SYF2: variants seen among roughly 807,000 people sequenced by gnomAD.
The protein encoded by SYF2 is pre-mRNA-splicing factor SYF2.
SYF2 carries 21 observed loss-of-function variants against 32.7 expected under a neutral mutation model. That is an observed-to-expected ratio of 0.64 (90% CI 0.45 to 0.92). The LOEUF is 0.92. SYF2 is among the 40% of genes least tolerant of loss of function. The pLI is 0.00. For missense variants in SYF2, 278 were observed against 296.5 expected, an observed-to-expected ratio of 0.94 and a Z score of 0.46; for synonymous variants, 114 against 103.9, an observed-to-expected ratio of 1.10 and a Z score of -0.59.
chr1:25,228,023 C>T (rs1342973720), intron 4 of SYF2, 95 bp downstream of exon 4: 8 of 979,202 alleles, frequency 8.2e-6, no homozygotes, highest in East Asian at 7.2e-5. Context: ...GAATATCCCA[C>T]GAAGCACAAG....
intron 2 of SYF2, 82 bp downstream of exon 2, chr1:25,232,022 G>A (rs2124514753): frequency 7.4e-7 from 1 of 1,348,132 alleles, no homozygotes; most frequent in Non-Finnish European, 1.0e-6. Context: ...CAGACGCAGT[G>A]GTGTGGCTTC....
rs545105070 is a variant in SYF2, at chr1:25,223,411, T to C, written c.587A>G (p.Tyr196Cys). 2 of 1,607,260 alleles carry C rather than the reference T, an allele frequency of 1.2e-6. No homozygotes were observed. The highest frequency in any genetic ancestry group is 1.3e-5 in the African/African-American group (1 of 74,634). The change falls in exon 7 of 7, where the codon TAT (tyrosine) becomes TGT (cysteine). Residue 196 changes from tyrosine to cysteine, a missense_variant. Physicochemically the swap from Tyr to Cys is radical, Grantham distance 194. Transcript: ENST00000236273. The part of the protein sequence containing the change: ...LEKQIEKRDK[Y>C]SRRRPYNDDA... ...ATCATTATAAGGACGTCTCCGGCTATATTTGTCTCGTTTTTCAATCCTGGG... is the reference window on the plus strand; with the variant it reads ...ATCATTATAAGGACGTCTCCGGCTACATTTGTCTCGTTTTTCAATCCTGGG...
Position 25,223,299 on chromosome 1 carries a change from A to G in SYF2, c.699T>C (p.Ile233=), listed in dbSNP as rs752794181. 9 of 1,613,564 alleles carry G rather than the reference A, an allele frequency of 5.6e-6. No individual in the cohort carries two copies. The highest frequency in any genetic ancestry group is 1.7e-5 in the Admixed American group (1 of 59,968). ...CTGTTCCTCTTTCCAAATTCTGTTTAATTTCAGCTGTGTATTTCCCATAGA... is the reference window on the plus strand; with the variant it reads ...CTGTTCCTCTTTCCAAATTCTGTTTGATTTCAGCTGTGTATTTCCCATAGA... ...ERFYGKYTAE[I]KQNLERGTAV The change falls in exon 7 of 7, where the codon ATT becomes ATC. Residue 233 remains isoleucine (I), a synonymous_variant. Transcript: ENST00000236273.
At chr1:25,227,948 C>G (rs559152954) in intron 4 of SYF2, among the ~76,000 whole-genome samples, 170 bp downstream of exon 4, 102 of 152,246 alleles carry the variant, frequency 6.7e-4, no homozygotes, top group African/African-American at 2.5e-3. Context: ...TGAAGTACAG[C>G]CTTTTTTTTT....
chr1:25,231,525 T>C (rs1638630191), intron 2 of SYF2: 1 of 155,060 alleles, frequency 6.4e-6, no homozygotes, highest in African/African-American at 2.4e-5. Context: ...ACAAACTGCA[T>C]TCCTCTCTCC....
intron 2 of SYF2, 38 bp downstream of exon 2, chr1:25,232,066 C>T: frequency 6.3e-7 from 1 of 1,596,130 alleles, no homozygotes; most frequent in African/African-American, 1.3e-5. Context: ...CAGGCTTGGC[C>T]AGATGACGGA....
rs368056126 is a variant in SYF2 at position 25,228,993 on chromosome 1, C to T, written c.258+5G>A. ...ATCACTTATGAAGATAGAATAGTTC[C>T]TAACCTTTTTCTTTTCCTCTTCCTT... On this transcript the variant is annotated splice_donor_5th_base_variant and intron_variant, in intron 3 of 6. Coordinates refer to ENST00000236273, the MANE Select transcript of SYF2 (RefSeq NM_015484.5). 21 of 1,611,204 alleles carry T rather than the reference C, an allele frequency of 1.3e-5. No homozygotes were observed. The African/African-American group carries it at 2.7e-4, about 21-fold the overall frequency.
intron 2 of SYF2, chr1:25,231,671 T>C (rs143911697): frequency 6.4e-5 from 11 of 170,872 alleles, no homozygotes; most frequent in African/African-American, 2.4e-4. Flanking sequence ...CAAAAACAGA[T>C]GATTATTTTC....
intron 6 of SYF2, among the ~76,000 whole-genome samples, 156 bp from the exon 7 acceptor site, chr1:25,223,587 G>T (rs1638449288): frequency 6.6e-6 from 1 of 152,192 alleles, no homozygotes; most frequent in African/African-American, 2.4e-5. Context: ...AGTTGAAACT[G>T]AATTAATGGC....
At position 25,227,492 on chromosome 1, in the gene SYF2, G is replaced by A. The variant is rs766823903; in HGVS notation, c.417C>T (p.Thr139=). 5 of 1,613,642 alleles carry A rather than the reference G, an allele frequency of 3.1e-6. No individual in the cohort carries two copies. Among genetic ancestry groups the A allele is most frequent in the Non-Finnish European group, 4.2e-6 (5 of 1,179,918 alleles). Reference sequence around the variant, plus strand: ...TTTCCATGTCAGGTTTGATCTGCTTGGTCAACCGATGATACTGGCGTAACT... The same window carrying A: ...TTTCCATGTCAGGTTTGATCTGCTTAGTCAACCGATGATACTGGCGTAACT... ...AAQLRQYHRL[T]KQIKPDMETY... is the part of the protein sequence containing the mutation. Residue 139 remains threonine (T), a synonymous_variant, in exon 5 of 7, where the codon ACC becomes ACT. Transcript: ENST00000236273.
rs188764492 is a variant in SYF2, at chr1:25,228,387, T to G, written c.259-152A>C. 101 of 687,442 alleles carry G rather than the reference T, an allele frequency of 1.5e-4. No individual in the cohort carries two copies. The African/African-American group carries it at 1.8e-3, about 12-fold the overall frequency. The allele number at this position is 687,442 out of a possible 1,614,324, so 42.6% of individuals were successfully genotyped here. A position where few individuals can be genotyped will look rare whatever the true frequency, so the allele number is the denominator to read the frequency against. Reference sequence around the variant, plus strand: ...ACTCACTCTGTCACGCAGGCTGGAGTGCAGTGGCGCGATCTCAGCTCACTG... The same window carrying G: ...ACTCACTCTGTCACGCAGGCTGGAGGGCAGTGGCGCGATCTCAGCTCACTG... On this transcript the variant is annotated intron_variant, in intron 3 of 6. Coordinates refer to ENST00000236273, the MANE Select transcript of SYF2 (RefSeq NM_015484.5).
In SYF2 at chr1:25,225,518, A is replaced by C. The variant is rs566403640; in HGVS notation, c.468-418T>G. On this transcript the variant is annotated intron_variant, in intron 5 of 6. Transcript: ENST00000236273. ...GCTCCAGCTTGGGCGACAAAGTAAGACTCCGTCTCAAAAAAAAAAATTTTT... is the reference window on the plus strand; with the variant it reads ...GCTCCAGCTTGGGCGACAAAGTAAGCCTCCGTCTCAAAAAAAAAAATTTTT... Among the ~76,000 whole-genome samples the C allele has an allele frequency of 4.6e-5, 7 of 150,776 alleles. No homozygotes were observed. In the South Asian group the frequency reaches 1.0e-3, roughly 23 times the overall value.
chr1:25,232,069 A>T lies in SYF2; in HGVS notation c.132+35T>A, dbSNP rs9328945. 6 of 1,599,962 alleles carry T rather than the reference A, an allele frequency of 3.8e-6. No individual in the cohort carries two copies. The African/African-American group carries it at 8.0e-5, about 21-fold the overall frequency. On this transcript the variant is annotated intron_variant, in intron 2 of 6. Transcript: ENST00000236273. Reference sequence around the variant, plus strand: ...TACAAAAGCGCACAGGCTTGGCCAGATGACGGATCTAAGCCGGCCTCCAAG... The same window carrying T: ...TACAAAAGCGCACAGGCTTGGCCAGTTGACGGATCTAAGCCGGCCTCCAAG...
chr1:25,223,548 GGAA>G, intron 6 of SYF2, 117 bp from the exon 7 acceptor site: 1 of 985,812 alleles, frequency 1.0e-6, no homozygotes, highest in Non-Finnish European at 1.5e-6. Context: ...GAGGGCTAGA[GGAA>G]GCCAGGAGAG....
At chr1:25,229,815 A>G (rs1571491422) in intron 2 of SYF2, among the ~76,000 whole-genome samples, 1 of 148,698 alleles carries the variant, frequency 6.7e-6, no homozygotes, top group African/African-American at 2.5e-5. Flanking sequence ...TGTGAAAGAC[A>G]CTCTTTCTTT....
In SYF2 at chr1:25,229,548, G is replaced by T. The variant is rs1638585658; in HGVS notation, c.133-425C>A. On this transcript the variant is annotated intron_variant, in intron 2 of 6. Transcript: ENST00000236273. ...CTAGCACTTTGGGAGGCTGAGGCAG[G>T]TGGATCACCTGAGGTCAGAAGTTCA... 3.3e-5 allele frequency among the ~76,000 whole-genome samples: 5 copies of T among 152,196 alleles called. No individual in the cohort carries two copies. The South Asian group carries it at 1.0e-3, about 32-fold the overall frequency.
At chr1:25,230,694 G>C (rs1377916402) in intron 2 of SYF2, 1 of 152,212 alleles carries the variant, frequency 6.6e-6, no homozygotes, top group African/African-American at 2.4e-5. Context: ...GGGCATTTGA[G>C]TGACAGGGTG....
chr1:25,222,562 G>A lies in SYF2; in HGVS notation c.*704C>T, dbSNP rs1638429475. ...TATATGGGACTCACCAGGGGTATTG[G>A]GTGTATGGAATTTCCCATAATAAAA... is the stretch of plus-strand genomic sequence containing the variant. On this transcript the variant is annotated 3_prime_UTR_variant, in exon 7 of 7. Coordinates refer to ENST00000236273, the MANE Select transcript of SYF2 (RefSeq NM_015484.5). 1 of 151,852 alleles carries A rather than the reference G, an allele frequency of 6.6e-6. No homozygotes were observed. Among genetic ancestry groups the A allele is most frequent in the Non-Finnish European group, 1.5e-5 (1 of 67,980 alleles). The allele number at this position is 151,852 out of a possible 1,614,324, so 9.4% of individuals were successfully genotyped here.
chr1:25,229,592 T>G (rs1272959006), intron 2 of SYF2, among the ~76,000 whole-genome samples: 1 of 151,950 alleles, frequency 6.6e-6, no homozygotes, highest in Non-Finnish European at 1.5e-5. Flanking sequence ...CTGGCCAACA[T>G]GGTGAAACCC....
Sources: allele counts gnomAD v4.1 joint callset (sites outside exome capture counted in the v4.1 genomes callset), GRCh38; gene constraint gnomAD v4.1.1; transcripts MANE v1.5; gene names NCBI Gene and HGNC (gene_info 2026-07-23, HGNC 2026-07-21).